Variants in APBA1 observed in about 807,000 individuals in gnomAD.
APBA1 encodes the protein amyloid-beta A4 precursor protein-binding family A member 1.
In APBA1, 55 loss-of-function variants were observed where a neutral mutation model predicts 86.6. The observed-to-expected ratio is 0.64, with a 90% CI of 0.51 to 0.80. The LOEUF is 0.80. APBA1 is among the 30% of genes least tolerant of loss of function. The pLI is 0.00. For missense variants in APBA1, 1,090 were observed against 1,183.0 expected (o/e 0.92, Z 1.15); for synonymous variants, 511 against 493.9 (o/e 1.03, Z -0.46).
chr9:69,605,827 A>G (rs1487230602), intron 1 of APBA1, among the ~76,000 whole-genome samples: 1 of 152,248 alleles, frequency 6.6e-6, no homozygotes, highest in Non-Finnish European at 1.5e-5. Flanking sequence ...GAGGTCACAG[A>G]TGTGGGTTTG....
intron 3 of APBA1, chr9:69,474,212 C>A (rs1361203756): frequency 6.6e-6 from 1 of 152,208 alleles, no homozygotes; most frequent in East Asian, 1.9e-4. Context: ...CAATGACAGA[C>A]AAGGTACCTT....
At chr9:69,524,674 C>T (rs948225068) in intron 1 of APBA1, among the ~76,000 whole-genome samples, 2 of 151,668 alleles carry the variant, frequency 1.3e-5, no homozygotes, top group Non-Finnish European at 2.9e-5. Context: ...AGAGCTGGTA[C>T]CAATTCTACT....
chr9:69,468,280 G>A (rs1835312358), intron 4 of APBA1, among the ~76,000 whole-genome samples: 1 of 152,184 alleles, frequency 6.6e-6, no homozygotes, highest in South Asian at 2.1e-4. Context: ...TGAGCTCTTA[G>A]GGGACAAGGA....
At chr9:69,433,808 CTTTTTTTTTTTTT>C (rs35255395) in intron 11 of APBA1, among the ~76,000 whole-genome samples, 4 of 128,458 alleles carry the variant, frequency 3.1e-5, no homozygotes, top group Admixed American at 8.0e-5. Context: ...TTACCTAGGA[CTTTTTTTTTTTTT>C]TTTTTTTTAA....
At chr9:69,636,423 A>G (rs1823161098) in intron 1 of APBA1, among the ~76,000 whole-genome samples, 1 of 152,220 alleles carries the variant, frequency 6.6e-6, no homozygotes, top group Non-Finnish European at 1.5e-5. Flanking sequence ...GGAAATTGGC[A>G]TATCAAAGAG....
intron 1 of APBA1, among the ~76,000 whole-genome samples, chr9:69,518,539 CA>C (rs1159375181): frequency 6.6e-6 from 1 of 152,110 alleles, no homozygotes; most frequent in Admixed American, 6.5e-5. Context: ...CTTCTTATCA[CA>C]AAATAGCTTT....
At position 69,588,187 on chromosome 9, in the gene APBA1, G is replaced by A. The variant is rs1822059149; in HGVS notation, c.-69-70908C>T. ...AATGAAGCTACTGGGGAGAAAGAAA[G>A]AACGTTCCCATTAGATGAAATATCT... On this transcript the variant is annotated intron_variant, in intron 1 of 12. Coordinates refer to ENST00000265381, the MANE Select transcript of APBA1 (RefSeq NM_001163.4). Among the ~76,000 whole-genome samples, 3 of 152,216 alleles carry A rather than the reference G, an allele frequency of 2.0e-5. No homozygotes were observed. In the South Asian group the frequency reaches 6.2e-4, roughly 32 times the overall value.
At chr9:69,594,931 T>C (rs932499142) in intron 1 of APBA1, among the ~76,000 whole-genome samples, 4 of 152,184 alleles carry the variant, frequency 2.6e-5, no homozygotes, top group Non-Finnish European at 2.9e-5. Flanking sequence ...TTCTCATCTG[T>C]CAAATGAGAT....
intron 12 of APBA1, among the ~76,000 whole-genome samples, 196 bp from the exon 13 acceptor site, chr9:69,431,594 C>G (rs1394382554): frequency 1.3e-5 from 2 of 152,226 alleles, no homozygotes; most frequent in Non-Finnish European, 2.9e-5. Context: ...TTCTCAAAAG[C>G]TTAGGGGTGA....
At chr9:69,490,680 G>A (rs960259814) in intron 2 of APBA1, among the ~76,000 whole-genome samples, 11 of 151,898 alleles carry the variant, frequency 7.2e-5, no homozygotes, top group Non-Finnish European at 1.3e-4. Context: ...CTACAGAATG[G>A]GAGAAAATTT....
chr9:69,432,490 C>G, intron 12 of APBA1, 46 bp downstream of exon 12: 1 of 1,440,880 alleles, frequency 6.9e-7, no homozygotes, highest in Non-Finnish European at 9.2e-7. Context: ...GGCAGGGGCA[C>G]CAGACGCGGC....
intron 8 of APBA1, among the ~76,000 whole-genome samples, chr9:69,453,682 A>G (rs1396516874): frequency 1.3e-5 from 2 of 152,220 alleles, no homozygotes; most frequent in African/African-American, 4.8e-5. Context: ...TTAGAAAGGT[A>G]GCAGGGTGCA....
intron 1 of APBA1, among the ~76,000 whole-genome samples, chr9:69,658,076 A>G (rs913276954): frequency 3.3e-5 from 5 of 152,196 alleles, no homozygotes. Flanking sequence ...TCCACACCAC[A>G]CACATGTATC....
chr9:69,476,126 G>C lies in APBA1; in HGVS notation c.1218C>G (p.Ser406Arg), dbSNP rs755537357. ...ATGACTCTGCACCCAAGGGGGAGGAGCTGCCAGGAGACGGAGACTAGAACA... is the reference window on the plus strand; with the variant it reads ...ATGACTCTGCACCCAAGGGGGAGGACCTGCCAGGAGACGGAGACTAGAACA... ...PMDGDSPSPG[S>R]SSPLGAESSS... The change falls in exon 3 of 13, where the codon AGC becomes AGG. Residue 406 changes from serine to arginine, a missense_variant. Transcript: ENST00000265381. 5 of 1,613,726 alleles carry C rather than the reference G, an allele frequency of 3.1e-6. No individual in the cohort carries two copies. In the South Asian group the frequency reaches 4.4e-5, roughly 14 times the overall value.
chr9:69,595,633 T>C (rs561941330), intron 1 of APBA1, among the ~76,000 whole-genome samples: 151 of 152,214 alleles, frequency 9.9e-4, no homozygotes, highest in Non-Finnish European at 1.8e-3. Flanking sequence ...TGTGGGTTCA[T>C]ACATGATTTT....
At chr9:69,547,602 G>T (rs1223126885) in intron 1 of APBA1, among the ~76,000 whole-genome samples, 1 of 152,138 alleles carries the variant, frequency 6.6e-6, no homozygotes, top group Non-Finnish European at 1.5e-5. Flanking sequence ...TATTGAATAG[G>T]TCTCTCTTAC....
intron 1 of APBA1, among the ~76,000 whole-genome samples, chr9:69,651,811 A>T (rs181729107): frequency 6.6e-6 from 1 of 152,290 alleles, no homozygotes; most frequent in East Asian, 1.9e-4. Flanking sequence ...CTGCCAATTG[A>T]TTACTTTGTG....
At chr9:69,489,213 A>G (rs1204071065) in intron 2 of APBA1, among the ~76,000 whole-genome samples, 1 of 152,068 alleles carries the variant, frequency 6.6e-6, no homozygotes, top group Non-Finnish European at 1.5e-5. Flanking sequence ...GCATCACACT[A>G]CCTGAATTCA....
At chr9:69,519,953 ATAGTGT>A (rs1168767744) in intron 1 of APBA1, among the ~76,000 whole-genome samples, 1 of 152,174 alleles carries the variant, frequency 6.6e-6, no homozygotes, top group African/African-American at 2.4e-5. Context: ...GTGGTGGAAG[ATAGTGT>A]TAATGTAGTT....
Sources: gnomAD v4.1 joint callset for allele counts (sites outside exome capture counted in the v4.1 genomes callset) on GRCh38, gnomAD v4.1.1 for gene constraint, MANE v1.5 for transcripts, NCBI Gene and HGNC (gene_info 2026-07-23, HGNC 2026-07-21) for gene names.